TRIM55: variants seen among roughly 807,000 people sequenced by gnomAD.
TRIM55 encodes tripartite motif containing 55, also known as tripartite motif-containing protein 55.
A neutral mutation model predicts 60.9 loss-of-function variants in TRIM55; 50 were observed. The ratio of observed to expected loss-of-function variants is 0.82; its 90% CI spans 0.65 to 1.04. The LOEUF is 1.04. Ranked by LOEUF, TRIM55 falls within the 50% of genes least tolerant of loss-of-function variation. The pLI is 0.00. For missense variants in TRIM55, 681 were observed against 666.9 expected (o/e 1.02, Z -0.23); for synonymous variants, 237 against 238.1 (o/e 1.00, Z 0.04).
chr8:66,153,911 A>T, intron 8 of TRIM55, 136 bp from the exon 9 acceptor site: 1 of 806,196 alleles, frequency 1.2e-6, no homozygotes, highest in Non-Finnish European at 1.9e-6. Context: ...GGTGGGATGA[A>T]CTAAAACGGC....
intron 9 of TRIM55, among the ~76,000 whole-genome samples, chr8:66,160,330 C>CTT (rs1219376300): frequency 6.7e-6 from 1 of 150,150 alleles, no homozygotes; most frequent in Non-Finnish European, 1.5e-5. Context: ...TACTTCATTC[C>CTT]TTTTTATGGC....
chr8:66,149,604 T>C (rs199974124), intron 4 of TRIM55, 41 bp from the exon 5 acceptor site: 62 of 1,490,158 alleles, frequency 4.2e-5, no homozygotes, highest in Non-Finnish European at 5.7e-5. Flanking sequence ...AAATCGACTT[T>C]GTTTCAAATA....
the TRIM55 span, among the ~76,000 whole-genome samples, chr8:66,116,782 G>C: frequency 8.5e-6 from 1 of 117,780 alleles, no homozygotes; most frequent in South Asian, 2.4e-4. Flanking sequence ...CAAAAAAACT[G>C]ATGAAGAGGG....
At chr8:66,172,419 C>A (rs967080052) in intron 9 of TRIM55, among the ~76,000 whole-genome samples, 3 of 151,140 alleles carry the variant, frequency 2.0e-5, no homozygotes, top group Non-Finnish European at 2.9e-5. Context: ...ATTGGATAAC[C>A]CCCCACTCTG....
chr8:66,123,829 G>A (rs568738622), upstream of TRIM55, among the ~76,000 whole-genome samples: 1 of 152,336 alleles, frequency 6.6e-6, no homozygotes, highest in African/African-American at 2.4e-5. Flanking sequence ...CTGCACTCCA[G>A]TTTGGGCAAC....
At chr8:66,150,504 G>C (rs1810355384) in intron 7 of TRIM55, 38 bp downstream of exon 7, 1 of 1,612,042 alleles carries the variant, frequency 6.2e-7, no homozygotes, top group Non-Finnish European at 8.5e-7. Context: ...GAAGTTGCAG[G>C]TGTGTGAAAG....
intron 4 of TRIM55, among the ~76,000 whole-genome samples, chr8:66,146,192 T>C (rs910661172): frequency 6.6e-6 from 1 of 152,224 alleles, no homozygotes; most frequent in African/African-American, 2.4e-5. Flanking sequence ...ATAATAATTT[T>C]AATAAAGCAT....
At chr8:66,125,003 G>A (rs577217785), upstream of TRIM55, among the ~76,000 whole-genome samples, 5 of 152,098 alleles carry the variant, frequency 3.3e-5, no homozygotes, top group Non-Finnish European at 5.9e-5. Flanking sequence ...TCTACCCACC[G>A]CCCAGCCCCA....
chr8:66,134,720 G>C (rs1809375272), intron 2 of TRIM55, among the ~76,000 whole-genome samples: 1 of 152,020 alleles, frequency 6.6e-6, no homozygotes, highest in Non-Finnish European at 1.5e-5. Flanking sequence ...CATGGAAATG[G>C]GCAAATGGTA....
chr8:66,148,507 T>C (rs1240041136), intron 4 of TRIM55, among the ~76,000 whole-genome samples: 1 of 152,130 alleles, frequency 6.6e-6, no homozygotes, highest in Non-Finnish European at 1.5e-5. Flanking sequence ...ATGGAAGAAG[T>C]GGTAGTCTGA....
chr8:66,174,546 G>A lies in TRIM55; in HGVS notation c.1600G>A (p.Ala534Thr). Reference protein sequence around the residue: ...ASGSGADSEPARHIFSFSWLN... With the variant: ...ASGSGADSEPTRHIFSFSWLN... Reference sequence around the variant, plus strand: ...TGGCAGTGGAGCTGATTCTGAGCCAGCTCGCCATATCTTCTCCTTTTCCTG... The same window carrying A: ...TGGCAGTGGAGCTGATTCTGAGCCAACTCGCCATATCTTCTCCTTTTCCTG... The change falls in exon 10 of 10, where the codon GCT becomes ACT. Residue 534 changes from alanine (A) to threonine (T), a missense_variant. Transcript: ENST00000315962. 3 of 1,610,062 alleles carry A rather than the reference G, an allele frequency of 1.9e-6. No homozygotes were observed. The highest frequency in any genetic ancestry group is 2.5e-6 in the Non-Finnish European group (3 of 1,178,780).
intron 4 of TRIM55, among the ~76,000 whole-genome samples, chr8:66,143,020 G>A (rs1809906275): frequency 6.6e-6 from 1 of 152,150 alleles, no homozygotes; most frequent in South Asian, 2.1e-4. Context: ...TTGGTGGCAG[G>A]AAATCCTGTT....
the TRIM55 span, among the ~76,000 whole-genome samples, chr8:66,118,168 C>CAA: frequency 0.047 from 1,865 of 39,826 alleles, 337 homozygotes; most frequent in East Asian, 0.29. Flanking sequence ...GACTCCGTCT[C>CAA]AAAAAAAAAA....
chr8:66,152,432 A>C lies in TRIM55; in HGVS notation c.1041A>C (p.Gly347=), dbSNP rs766945864. The C allele has an allele frequency of 6.2e-7, 1 of 1,612,786 alleles. No homozygotes were observed. The change falls in exon 8 of 10, where the codon GGA becomes GGC. Residue 347 remains glycine (G), a synonymous_variant. Coordinates refer to ENST00000315962, the MANE Select transcript of TRIM55 (RefSeq NM_184085.2). ...GAGAAGGAGAAAAAGAAGGAGAAGGAGAAGTGGGAGGAGAAGCAGTAGAAG... is the reference window on the plus strand; with the variant it reads ...GAGAAGGAGAAAAAGAAGGAGAAGGCGAAGTGGGAGGAGAAGCAGTAGAAG... ...EGGEGEKEGE[G]EVGGEAVEVE...
Position 66,127,322 on chromosome 8 carries a change from T to C in TRIM55, c.54T>C (p.Asp18=). ...TTTCCAAAGAGCAGCAGACCATGGATAACTTAGAGAAGCAACTCATCTGTC... is the reference window on the plus strand; with the variant it reads ...TTTCCAAAGAGCAGCAGACCATGGACAACTTAGAGAAGCAACTCATCTGTC... ...KSFSKEQQTM[D]NLEKQLICPI... The change falls in exon 1 of 10, where the codon GAT becomes GAC. Residue 18 remains aspartate (D), a synonymous_variant. Coordinates refer to ENST00000315962, the MANE Select transcript of TRIM55 (RefSeq NM_184085.2). 1 of 1,614,174 alleles carries C rather than the reference T, an allele frequency of 6.2e-7. No homozygotes were observed. Among genetic ancestry groups the C allele is most frequent in the Non-Finnish European group, 8.5e-7 (1 of 1,180,016 alleles).
chr8:66,165,959 T>G (rs1319273766), intron 9 of TRIM55, among the ~76,000 whole-genome samples: 1 of 152,082 alleles, frequency 6.6e-6, no homozygotes, highest in Non-Finnish European at 1.5e-5. Context: ...GGGCTTTTTT[T>G]TTTTCCTACT....
chr8:66,127,120 C>A, upstream of TRIM55: 1 of 870,932 alleles, frequency 1.1e-6, no homozygotes, highest in Non-Finnish European at 1.7e-6. Flanking sequence ...CCAGCACCCA[C>A]TCCAAACCAG....
At chr8:66,143,167 T>G (rs1315475574) in intron 4 of TRIM55, among the ~76,000 whole-genome samples, 3 of 152,108 alleles carry the variant, frequency 2.0e-5, no homozygotes, top group Non-Finnish European at 4.4e-5. Context: ...CAGTGACAAG[T>G]GGTGGGTCTA....
At chr8:66,132,070 G>A (rs1369296312) in intron 2 of TRIM55, among the ~76,000 whole-genome samples, 2 of 152,160 alleles carry the variant, frequency 1.3e-5, no homozygotes, top group Non-Finnish European at 2.9e-5. Flanking sequence ...TATTTGATAC[G>A]AGTAAAAACT....
Sources: allele counts gnomAD v4.1 joint callset (sites outside exome capture counted in the v4.1 genomes callset), GRCh38; gene constraint gnomAD v4.1.1; transcripts MANE v1.5; gene names NCBI Gene and HGNC (gene_info 2026-07-23, HGNC 2026-07-21).